SLC2A14: variants seen among roughly 807,000 people sequenced by gnomAD.
The protein encoded by SLC2A14 is solute carrier family 2, facilitated glucose transporter member 14.
Under a neutral mutation model 43.0 loss-of-function variants are expected in SLC2A14, and 13 were observed. That is an observed-to-expected ratio of 0.30 (90% CI 0.20 to 0.48). The LOEUF is 0.48. SLC2A14 is among the 20% of genes least tolerant of loss of function. The probability of loss-of-function intolerance (pLI) is 0.99; values close to 1 mark genes in which losing one functional copy is unlikely to be tolerated. For missense variants in SLC2A14, 428 were observed against 620.4 expected, an observed-to-expected ratio of 0.69 and a Z score of 3.29; for synonymous variants, 190 against 233.8, an observed-to-expected ratio of 0.81 and a Z score of 1.71.
At chr12:7,841,946 A>C (rs1284516487) in intron 2 of SLC2A14, among the ~76,000 whole-genome samples, 2 of 151,844 alleles carry the variant, frequency 1.3e-5, no homozygotes, top group Non-Finnish European at 2.9e-5. Context: ...CAGAGGTTAC[A>C]GTGAGCCGAG....
rs1337259128 is a variant in SLC2A14, at chr12:7,862,818, TG to T, written c.18+7044del. ...GACACTCTTTATCTAGCTGCTCTGG[TG>T]GGGCCTTGGAGAATCTGTGTGTGGA... On this transcript the variant is annotated intron_variant, in intron 2 of 10. Coordinates refer to ENST00000431042, the MANE Select transcript of SLC2A14 (RefSeq NM_001286234.2). Among the ~76,000 whole-genome samples, 4 of 152,130 alleles carry T rather than the reference TG, an allele frequency of 2.6e-5. 1 individual carries two copies. Among genetic ancestry groups the T allele is most frequent in the Admixed American group, 2.0e-4 (3 of 15,258 alleles).
intron 1 of SLC2A14, among the ~76,000 whole-genome samples, chr12:7,883,248 T>G (rs961085313): frequency 2.7e-5 from 4 of 146,466 alleles, no homozygotes; most frequent in Non-Finnish European, 6.0e-5. Context: ...ACAAATGCTT[T>G]CTTTTTCTTT....
In SLC2A14 at chr12:7,847,041, T is replaced by G. The variant is rs535084468; in HGVS notation, c.19-14227A>C. On this transcript the variant is annotated intron_variant, in intron 2 of 10. Transcript: ENST00000431042. ...GCCGAGGTGGGTGGATCACCTGAGG[T>G]TGGGAGTTCAAGGCCAGCCTGACCA... Among the ~76,000 whole-genome samples the G allele has an allele frequency of 1.6e-4, 24 of 151,540 alleles. No homozygotes were observed. In the South Asian group the frequency reaches 4.8e-3, roughly 30 times the overall value.
intron 2 of SLC2A14, among the ~76,000 whole-genome samples, chr12:7,845,090 G>A (rs569423290): frequency 6.6e-6 from 1 of 152,042 alleles, no homozygotes; most frequent in Non-Finnish European, 1.5e-5. Flanking sequence ...CCCTAGCCAC[G>A]TTCATTTTTC....
At chr12:7,878,216 A>G (rs1945497600), upstream of SLC2A14, among the ~76,000 whole-genome samples, 1 of 151,626 alleles carries the variant, frequency 6.6e-6, no homozygotes, top group Admixed American at 6.6e-5. Context: ...ACGCCTGGCT[A>G]AGTTTTGTAT....
chr12:7,877,599 C>T (rs1945483799), upstream of SLC2A14, among the ~76,000 whole-genome samples: 2 of 150,228 alleles, frequency 1.3e-5, no homozygotes, highest in South Asian at 4.2e-4. Flanking sequence ...CTAATTTTTG[C>T]ATTTTTAGTA....
At chr12:7,843,020 G>A (rs933668474) in intron 2 of SLC2A14, among the ~76,000 whole-genome samples, 4 of 151,936 alleles carry the variant, frequency 2.6e-5, no homozygotes, top group South Asian at 2.1e-4. Flanking sequence ...GAGCCACCGC[G>A]CCTGGCCACA....
At chr12:7,873,568 G>C, upstream of SLC2A14, 1 of 159,294 alleles carries the variant, frequency 6.3e-6, no homozygotes, top group Non-Finnish European at 1.3e-5. Flanking sequence ...TTGAACCCAG[G>C]AGGCGGAGGT....
chr12:7,880,824 C>T (rs1945556459), intron 1 of SLC2A14, among the ~76,000 whole-genome samples: 1 of 151,038 alleles, frequency 6.6e-6, no homozygotes, highest in African/African-American at 2.4e-5. Flanking sequence ...GGCCAACACA[C>T]TGAAACCCTG....
chr12:7,841,464 T>C (rs1263243715), intron 2 of SLC2A14, among the ~76,000 whole-genome samples: 2 of 152,116 alleles, frequency 1.3e-5, no homozygotes, highest in African/African-American at 4.8e-5. Flanking sequence ...TTTTGCCATG[T>C]TGGCCAGGCT....
chr12:7,864,113 G>T (rs768428997), intron 2 of SLC2A14, among the ~76,000 whole-genome samples: 1 of 151,920 alleles, frequency 6.6e-6, no homozygotes, highest in Non-Finnish European at 1.5e-5. Flanking sequence ...CCCGCGCCCG[G>T]CCACCACATT....
At chr12:7,887,612 G>GA (rs1474632831) in intron 1 of SLC2A14, among the ~76,000 whole-genome samples, 3 of 119,062 alleles carry the variant, frequency 2.5e-5, no homozygotes, top group East Asian at 3.1e-4. Flanking sequence ...TAGATAGATA[G>GA]TTAGATAGAT....
upstream of SLC2A14, among the ~76,000 whole-genome samples, chr12:7,874,731 A>ATT (rs1565584335): frequency 9.2e-4 from 29 of 31,514 alleles, no homozygotes; most frequent in African/African-American, 2.1e-3. Flanking sequence ...TATATAAAAA[A>ATT]TATATAAAAA....
In SLC2A14 at chr12:7,891,073, C is replaced by A. The variant is rs1449682639; in HGVS notation, c.55G>T (p.Asp19Tyr). The A allele has an allele frequency of 7.8e-6, 12 of 1,535,030 alleles. No individual in the cohort carries two copies. In the African/African-American group the frequency reaches 1.1e-4, roughly 14 times the overall value. Residue 19 changes from aspartate to tyrosine, a missense_variant, in exon 1 of 10, where the codon GAT (aspartate) becomes TAT (tyrosine). By Grantham distance (160) the Asp-to-Tyr change is radical. Transcript: ENST00000539924. ...GAAAAAAAGAAATGCCGCATTTCAT[C>A]TCCTTGTTTCACACCCAGGAGTACT...
chr12:7,833,709 G>A (rs913097972), intron 2 of SLC2A14, among the ~76,000 whole-genome samples: 1 of 151,764 alleles, frequency 6.6e-6, no homozygotes, highest in African/African-American at 2.4e-5. Flanking sequence ...TTGACCCTGA[G>A]AGGCGGAGGT....
intron 4 of SLC2A14, among the ~76,000 whole-genome samples, chr12:7,830,297 G>A (rs1432880530): frequency 2.6e-5 from 4 of 151,868 alleles, no homozygotes; most frequent in Non-Finnish European, 2.9e-5. Context: ...GATAACAGGC[G>A]CCTGCCACCA....
rs1473218133 is a variant in SLC2A14 at position 7,821,311 on chromosome 12, T to G, written c.879A>C (p.Ser293=). The change falls in exon 8 of 11, where the codon TCA becomes TCC. Residue 293 remains serine (S), a synonymous_variant. Transcript: ENST00000431042. ...LSGINAVFYY[S]TGIFKDAGVQ... is the part of the protein sequence containing the mutation. Reference sequence around the variant, plus strand: ...CACCTGCATCCTTGAAGATTCCTGTTGAGTAATAGAACACCTAGGAGAAAA... The same window carrying G: ...CACCTGCATCCTTGAAGATTCCTGTGGAGTAATAGAACACCTAGGAGAAAA... The G allele has an allele frequency of 6.2e-7, 1 of 1,613,634 alleles. No homozygotes were observed. The highest frequency in any genetic ancestry group is 2.2e-5 in the East Asian group (1 of 44,870).
chr12:7,826,862 T>TCCTTCC (rs869102115), intron 7 of SLC2A14, among the ~76,000 whole-genome samples: 193 of 30,706 alleles, frequency 6.3e-3, no homozygotes, highest in African/African-American at 7.0e-3. Flanking sequence ...TCCTTTCTTT[T>TCCTTCC]TTCTTTCTTT....
intron 5 of SLC2A14, 33 bp downstream of exon 5, chr12:7,829,733 A>G: frequency 1.9e-6 from 3 of 1,611,820 alleles, no homozygotes. Context: ...CCATGAAACT[A>G]ACACTCATTA....
Sources: allele counts gnomAD v4.1 joint callset (sites outside exome capture counted in the v4.1 genomes callset), GRCh38; gene constraint gnomAD v4.1.1; transcripts MANE v1.5; gene names NCBI Gene and HGNC (gene_info 2026-07-23, HGNC 2026-07-21).